ABHD17B: variants seen among roughly 807,000 people sequenced by gnomAD.
ABHD17B encodes the protein alpha/beta hydrolase domain-containing protein 17B.
ABHD17B carries 9 observed loss-of-function variants against 26.2 expected under a neutral mutation model. That is an observed-to-expected ratio of 0.34 (90% CI 0.21 to 0.60). The LOEUF is 0.60. Ranked by LOEUF, ABHD17B falls within the 20% of genes least tolerant of loss-of-function variation. The pLI is 0.80. For synonymous variants in ABHD17B, 127 were observed against 122.3 expected, an observed-to-expected ratio of 1.04 and a Z score of -0.25; for missense variants, 224 against 352.1, an observed-to-expected ratio of 0.64 and a Z score of 2.91.
chr9:71,907,299 C>A (rs892849874), intron 1 of ABHD17B, among the ~76,000 whole-genome samples: 9 of 151,932 alleles, frequency 5.9e-5, no homozygotes, highest in African/African-American at 2.2e-4. Flanking sequence ...GTGAAGAAAG[C>A]AAGCTAAATA....
intron 1 of ABHD17B, among the ~76,000 whole-genome samples, chr9:71,892,107 T>C (rs1826801656): frequency 6.6e-6 from 1 of 152,212 alleles, no homozygotes; most frequent in Non-Finnish European, 1.5e-5. Flanking sequence ...ATAAGGTTTC[T>C]TCTAGTTCTA....
chr9:71,886,462 C>T (rs952646267), intron 1 of ABHD17B, among the ~76,000 whole-genome samples: 3 of 151,178 alleles, frequency 2.0e-5, no homozygotes, highest in African/African-American at 7.3e-5. Context: ...CTAACTACAA[C>T]TTGAACAGGA....
chr9:71,895,028 T>A (rs1400031966), intron 1 of ABHD17B, among the ~76,000 whole-genome samples: 3 of 152,214 alleles, frequency 2.0e-5, no homozygotes, highest in Non-Finnish European at 4.4e-5. Flanking sequence ...CACTGCTGGC[T>A]GAGCTGAATT....
intron 1 of ABHD17B, among the ~76,000 whole-genome samples, chr9:71,882,035 G>A (rs1463141640): frequency 6.6e-6 from 1 of 152,056 alleles, no homozygotes; most frequent in African/African-American, 2.4e-5. Context: ...AGTCATCAAG[G>A]AAATGGAAAT....
intron 1 of ABHD17B, among the ~76,000 whole-genome samples, chr9:71,877,531 C>T (rs1826314870): frequency 6.6e-6 from 1 of 152,228 alleles, no homozygotes; most frequent in South Asian, 2.1e-4. Context: ...GATTCTCCTG[C>T]CTCAGCCTCC....
At chr9:71,900,261 T>C (rs1363937018) in intron 1 of ABHD17B, among the ~76,000 whole-genome samples, 1 of 152,196 alleles carries the variant, frequency 6.6e-6, no homozygotes, top group African/African-American at 2.4e-5. Flanking sequence ...TTTGAGTAAA[T>C]GTGAATTTCT....
intron 1 of ABHD17B, among the ~76,000 whole-genome samples, chr9:71,890,559 T>C (rs142794164): frequency 2.0e-3 from 301 of 152,346 alleles, no homozygotes; most frequent in African/African-American, 7.1e-3. Context: ...TCTCATTAAT[T>C]GGATAATAAA....
intron 1 of ABHD17B, among the ~76,000 whole-genome samples, chr9:71,905,593 A>G (rs1415930068): frequency 6.6e-6 from 1 of 152,228 alleles, no homozygotes; most frequent in Admixed American, 6.5e-5. Context: ...AGACATTCAT[A>G]CGCTGTGATC....
intron 1 of ABHD17B, among the ~76,000 whole-genome samples, chr9:71,877,528 C>A (rs920757380): frequency 2.0e-5 from 3 of 152,222 alleles, no homozygotes; most frequent in Admixed American, 6.5e-5. Context: ...AGTGATTCTC[C>A]TGCCTCAGCC....
At chr9:71,896,308 A>G (rs1826952520) in intron 1 of ABHD17B, among the ~76,000 whole-genome samples, 1 of 152,142 alleles carries the variant, frequency 6.6e-6, no homozygotes, top group African/African-American at 2.4e-5. Flanking sequence ...TTCTTTTTTT[A>G]TCTTTTAGAA....
chr9:71,906,567 C>T (rs1223384968), intron 1 of ABHD17B, among the ~76,000 whole-genome samples: 1 of 152,118 alleles, frequency 6.6e-6, no homozygotes, highest in African/African-American at 2.4e-5. Context: ...CCCAATGTCC[C>T]AGTGCTTTGG....
chr9:71,902,183 A>AG (rs1177274572), intron 1 of ABHD17B, among the ~76,000 whole-genome samples: 1 of 152,154 alleles, frequency 6.6e-6, no homozygotes, highest in Non-Finnish European at 1.5e-5. Flanking sequence ...TTCCTTCCGT[A>AG]GGGGGCAAAA....
At chr9:71,884,992 G>A (rs1291049814) in intron 1 of ABHD17B, among the ~76,000 whole-genome samples, 3 of 152,036 alleles carry the variant, frequency 2.0e-5, no homozygotes, top group Admixed American at 2.0e-4. Context: ...TCATATGGGG[G>A]CAAAAGAGAA....
chr9:71,903,833 G>A (rs1451047311), intron 1 of ABHD17B, among the ~76,000 whole-genome samples: 1 of 152,152 alleles, frequency 6.6e-6, no homozygotes, highest in Non-Finnish European at 1.5e-5. Context: ...AGTACAGAGT[G>A]CTATGAGAAC....
intron 1 of ABHD17B, among the ~76,000 whole-genome samples, chr9:71,897,502 G>A (rs1367791749): frequency 6.6e-6 from 1 of 152,194 alleles, no homozygotes; most frequent in Admixed American, 6.5e-5. Flanking sequence ...GGCAACAGGG[G>A]AAGACCCTGT....
Position 71,870,127 on chromosome 9 carries a change from G to A in ABHD17B, c.603C>T (p.Ala201=), listed in dbSNP as rs926498454. The change falls in exon 3 of 4, where the codon GCC becomes GCT. Residue 201 remains alanine, a synonymous_variant. Transcript: ENST00000333421. ...HSPLTSGMRV[A]FPDTKKTYCF... is the part of the protein sequence containing the mutation. Reference sequence around the variant, plus strand: ...AGTAGGTCTTCTTGGTATCAGGAAAGGCAACTCGCATTCCCGAAGTCAGAG... The same window carrying A: ...AGTAGGTCTTCTTGGTATCAGGAAAAGCAACTCGCATTCCCGAAGTCAGAG... The A allele has an allele frequency of 1.2e-6, 2 of 1,613,774 alleles. No individual in the cohort carries two copies.
intron 2 of ABHD17B, among the ~76,000 whole-genome samples, chr9:71,873,339 C>T (rs959750510): frequency 1.3e-5 from 2 of 151,590 alleles, no homozygotes; most frequent in Admixed American, 1.3e-4. Flanking sequence ...ATGTATGCTG[C>T]TATAATCAAA....
At chr9:71,864,421 G>A (rs922370740), downstream of ABHD17B, among the ~76,000 whole-genome samples, 2 of 151,572 alleles carry the variant, frequency 1.3e-5, no homozygotes, top group Non-Finnish European at 2.9e-5. Flanking sequence ...GGGTTTCACC[G>A]TGTTAGCCAG....
rs187855349 is a variant in ABHD17B at position 71,889,228 on chromosome 9, A to G, written c.-3-14145T>C. 2.6e-5 allele frequency among the ~76,000 whole-genome samples: 4 copies of G among 152,074 alleles called. No individual in the cohort carries two copies. The East Asian group carries it at 7.8e-4, about 30-fold the overall frequency. On this transcript the variant is annotated intron_variant, in intron 1 of 3. Coordinates refer to ENST00000333421, the MANE Select transcript of ABHD17B (RefSeq NM_001025780.3). ...GCTACTCGGGAGGCTGAGGCAGGTG[A>G]ATCACTTGAACCTAGGAGGTACAGG...
Sources: allele counts gnomAD v4.1 joint callset (sites outside exome capture counted in the v4.1 genomes callset), GRCh38; gene constraint gnomAD v4.1.1; transcripts MANE v1.5; gene names NCBI Gene and HGNC (gene_info 2026-07-23, HGNC 2026-07-21).